The following CERKL variants were observed in gnomAD, a reference collection of about 807,000 sequenced individuals.
CERKL encodes ceramide kinase-like protein.
A neutral mutation model predicts 63.4 loss-of-function variants in CERKL; 61 were observed. The ratio of observed to expected loss-of-function variants is 0.96; its 90% CI spans 0.78 to 1.19. The LOEUF (loss-of-function observed/expected upper bound fraction) is 1.19, where lower values mean the gene tolerates loss of function less well. Among genes scored for constraint, CERKL ranks in the 50% most tolerant of loss-of-function variants. The probability of loss-of-function intolerance (pLI) is 0.00; values close to 1 mark genes in which losing one functional copy is unlikely to be tolerated. For missense variants in CERKL, 675 were observed against 655.5 expected, an observed-to-expected ratio of 1.03 and a Z score of -0.33; for synonymous variants, 250 against 230.5, an observed-to-expected ratio of 1.08 and a Z score of -0.77.
chr2:181,634,313 G>C (rs1229830930), intron 1 of CERKL, among the ~76,000 whole-genome samples: 1 of 152,048 alleles, frequency 6.6e-6, no homozygotes, highest in African/African-American at 2.4e-5. Flanking sequence ...AAAAACATAA[G>C]CATATGTTAA....
chr2:181,546,689 C>T (rs1687739167), intron 10 of CERKL, among the ~76,000 whole-genome samples: 1 of 152,178 alleles, frequency 6.6e-6, no homozygotes, highest in Non-Finnish European at 1.5e-5. Flanking sequence ...ATATTTTCAG[C>T]CCCATAATGG....
chr2:181,644,833 G>A (rs775936994), intron 1 of CERKL, among the ~76,000 whole-genome samples: 21 of 152,044 alleles, frequency 1.4e-4, no homozygotes, highest in Non-Finnish European at 3.1e-4. Flanking sequence ...ATAAAAAAAA[G>A]CACAAAGGAA....
intron 4 of CERKL, chr2:181,565,398 T>C (rs369927369): frequency 3.9e-6 from 6 of 1,527,842 alleles, no homozygotes; most frequent in Non-Finnish European, 4.5e-6. Context: ...GTTCACCTAA[T>C]TTTAAAAAAT....
intron 1 of CERKL, among the ~76,000 whole-genome samples, chr2:181,643,169 T>A (rs148871720): frequency 6.6e-6 from 1 of 152,346 alleles, no homozygotes; most frequent in Non-Finnish European, 1.5e-5. Context: ...AATTCCCTAA[T>A]GCCTAAAGGC....
At chr2:181,565,591 A>G in intron 4 of CERKL, 1 of 1,052,960 alleles carries the variant, frequency 9.5e-7, no homozygotes, top group East Asian at 2.6e-5. Context: ...GAAATAATGT[A>G]TTTATTTACT....
chr2:181,581,404 A>G (rs1684505236), intron 2 of CERKL, among the ~76,000 whole-genome samples: 1 of 152,222 alleles, frequency 6.6e-6, no homozygotes, highest in South Asian at 2.1e-4. Context: ...TGGAACTAAA[A>G]ACTACTTTAA....
chr2:181,633,724 A>C (rs1440806042), intron 1 of CERKL, among the ~76,000 whole-genome samples: 1 of 152,216 alleles, frequency 6.6e-6, no homozygotes, highest in Non-Finnish European at 1.5e-5. Flanking sequence ...AAAAGCAAGT[A>C]AAAGAAGGGA....
At chr2:181,616,206 A>ATTTT (rs35040208) in intron 1 of CERKL, among the ~76,000 whole-genome samples, 7,652 of 109,902 alleles carry the variant, frequency 0.07, 348 homozygotes, top group African/African-American at 0.098. Context: ...AAAAATCTAA[A>ATTTT]TTTTTTTTTT....
At chr2:181,618,225 G>A (rs746781221) in intron 1 of CERKL, among the ~76,000 whole-genome samples, 3 of 150,994 alleles carry the variant, frequency 2.0e-5, no homozygotes, top group Admixed American at 6.6e-5. Context: ...CAATATATCC[G>A]TGCAACAAAA....
At chr2:181,598,806 T>C (rs891218936) in intron 2 of CERKL, among the ~76,000 whole-genome samples, 35 of 151,538 alleles carry the variant, frequency 2.3e-4, no homozygotes, top group African/African-American at 8.5e-4. Flanking sequence ...CTTGGCCCCC[T>C]GAAAGCACCC....
At chr2:181,588,258 T>TC (rs1043081463) in intron 2 of CERKL, among the ~76,000 whole-genome samples, 1 of 152,186 alleles carries the variant, frequency 6.6e-6, no homozygotes, top group Admixed American at 6.5e-5. Flanking sequence ...CCTTGATCCC[T>TC]CAGCCTATCG....
intron 3 of CERKL, 75 bp downstream of exon 3, chr2:181,573,678 T>G: frequency 7.1e-7 from 1 of 1,412,178 alleles, no homozygotes; most frequent in Non-Finnish European, 9.9e-7. Flanking sequence ...CAAGTTTGCA[T>G]TAAGGACAAA....
intron 2 of CERKL, among the ~76,000 whole-genome samples, chr2:181,579,929 G>A (rs1684427600): frequency 6.6e-6 from 1 of 151,764 alleles, no homozygotes; most frequent in Admixed American, 6.6e-5. Context: ...GCCCATCTGA[G>A]ATCCACTGAT....
intron 3 of CERKL, among the ~76,000 whole-genome samples, chr2:181,566,413 C>T (rs1688670317): frequency 6.6e-6 from 1 of 152,070 alleles, no homozygotes; most frequent in Non-Finnish European, 1.5e-5. Context: ...TTTAGTATTC[C>T]CTAAATAAGA....
chr2:181,548,155 C>A (rs556336789), intron 8 of CERKL: 82 of 540,270 alleles, frequency 1.5e-4, no homozygotes, highest in Admixed American at 3.5e-4. Flanking sequence ...TCACGAGGGA[C>A]AAAACTGTGT....
chr2:181,547,577 A>T (rs1376398467), intron 10 of CERKL, 41 bp downstream of exon 10: 4 of 1,550,740 alleles, frequency 2.6e-6, no homozygotes, highest in Non-Finnish European at 3.6e-6. Flanking sequence ...AAAATGGTCT[A>T]TAAGAAATGT....
intron 1 of CERKL, among the ~76,000 whole-genome samples, chr2:181,619,918 G>C (rs1290888325): frequency 1.7e-4 from 26 of 152,142 alleles, no homozygotes; most frequent in Admixed American, 1.7e-3. Context: ...GGTAGTAGTG[G>C]GAGAGGTTAG....
chr2:181,642,426 G>T (rs1295443441), intron 1 of CERKL, among the ~76,000 whole-genome samples: 2 of 152,250 alleles, frequency 1.3e-5, no homozygotes, highest in Admixed American at 6.5e-5. Flanking sequence ...TTTTGAAATT[G>T]TTTTTTCTCA....
intron 1 of CERKL, among the ~76,000 whole-genome samples, chr2:181,644,972 C>T (rs1448689440): frequency 1.3e-5 from 2 of 152,076 alleles, no homozygotes; most frequent in Non-Finnish European, 2.9e-5. Context: ...AGGCAGGAGC[C>T]AAGCATGGAA....
Sources: allele counts gnomAD v4.1 joint callset (sites outside exome capture counted in the v4.1 genomes callset), GRCh38; gene constraint gnomAD v4.1.1; transcripts MANE v1.5; gene names NCBI Gene and HGNC (gene_info 2026-07-23, HGNC 2026-07-21).